The following HS6ST2 variants were observed in gnomAD, a reference collection of about 807,000 sequenced individuals.
HS6ST2 encodes the protein heparan sulfate 6-O-sulfotransferase 2, also known as heparan-sulfate 6-O-sulfotransferase 2.
A neutral mutation model predicts 33.0 loss-of-function variants in HS6ST2; 17 were observed. The observed-to-expected ratio is 0.52, with a 90% CI of 0.35 to 0.77. HS6ST2 has a LOEUF of 0.77. Ranked by LOEUF, HS6ST2 falls within the 30% of genes least tolerant of loss-of-function variation. The pLI is 0.01. For synonymous variants in HS6ST2, 248 were observed against 237.1 expected, an observed-to-expected ratio of 1.05 and a Z score of -0.42; for missense variants, 519 against 551.7, an observed-to-expected ratio of 0.94 and a Z score of 0.59.
rs1205421363 is a variant in HS6ST2, at chrX:132,887,518, G to A, written c.947+69290C>T. Among the ~76,000 whole-genome samples, 24 of 112,227 alleles carry A rather than the reference G, an allele frequency of 2.1e-4. No individual in the cohort carries two copies. The Admixed American group carries it at 2.3e-3, about 11-fold the overall frequency. ...GACACTAACAAGTATTGTTGAGAATGTGGTGAAACTGGAATCTCATATATT... is the reference window on the plus strand; with the variant it reads ...GACACTAACAAGTATTGTTGAGAATATGGTGAAACTGGAATCTCATATATT... On this transcript the variant is annotated intron_variant, in intron 2 of 4. Transcript: ENST00000370833.
intron 2 of HS6ST2, among the ~76,000 whole-genome samples, chrX:132,929,369 C>T (rs1277684553): frequency 3.6e-5 from 4 of 110,392 alleles, no homozygotes; most frequent in Non-Finnish European, 7.5e-5. Flanking sequence ...GTGAGCCTAC[C>T]GTCCTACCTA....
intron 2 of HS6ST2, among the ~76,000 whole-genome samples, chrX:132,795,780 T>C (rs2065171791): frequency 9.0e-6 from 1 of 110,863 alleles, no homozygotes; most frequent in Admixed American, 9.7e-5. Context: ...CTAACTTTTG[T>C]AATTTTTTGG....
chrX:132,854,124 C>T (rs1438011261), intron 2 of HS6ST2, among the ~76,000 whole-genome samples: 1 of 111,920 alleles, frequency 8.9e-6, no homozygotes, highest in Non-Finnish European at 1.9e-5. Context: ...ATCTTAACAG[C>T]GTTTTGGAAT....
At chrX:132,926,938 C>T (rs2066716202) in intron 2 of HS6ST2, among the ~76,000 whole-genome samples, 1 of 110,306 alleles carries the variant, frequency 9.1e-6, no homozygotes, top group Non-Finnish European at 1.9e-5. Flanking sequence ...CAAAACAAAA[C>T]GAACAAACAA....
chrX:132,841,416 C>T (rs1192330750), intron 2 of HS6ST2, among the ~76,000 whole-genome samples: 1 of 111,554 alleles, frequency 9.0e-6, no homozygotes, highest in Non-Finnish European at 1.9e-5. Flanking sequence ...AACTGGGCAA[C>T]AGAAGTACCG....
At chrX:132,839,139 A>G (rs1245618416) in intron 2 of HS6ST2, among the ~76,000 whole-genome samples, 4 of 106,083 alleles carry the variant, frequency 3.8e-5, no homozygotes, top group African/African-American at 1.4e-4. Context: ...TGATTTACCC[A>G]AAGGAAAAGA....
intron 2 of HS6ST2, among the ~76,000 whole-genome samples, chrX:132,727,007 C>G (rs2064398637): frequency 9.0e-6 from 1 of 110,902 alleles, no homozygotes; most frequent in Non-Finnish European, 1.9e-5. Flanking sequence ...TACATCCTGT[C>G]CAATTTTTAT....
chrX:132,794,700 C>G (rs1355875928), intron 2 of HS6ST2, among the ~76,000 whole-genome samples: 1 of 111,195 alleles, frequency 9.0e-6, no homozygotes, highest in Non-Finnish European at 1.9e-5. Context: ...TCTGGGATTA[C>G]AGGCGTAAGC....
intron 3 of HS6ST2, among the ~76,000 whole-genome samples, chrX:132,684,795 CT>C (rs999974946): frequency 8.9e-6 from 1 of 111,834 alleles, no homozygotes; most frequent in Admixed American, 9.5e-5. Flanking sequence ...CCTTGGGTTT[CT>C]TTCTAGTTCT....
chrX:132,956,248 G>A (rs1033650291), intron 2 of HS6ST2, among the ~76,000 whole-genome samples: 2 of 109,927 alleles, frequency 1.8e-5, no homozygotes, highest in African/African-American at 6.6e-5. Flanking sequence ...AAGCGAGAGA[G>A]GGGAATGGAA....
At chrX:132,903,368 C>A (rs749396213) in intron 2 of HS6ST2, among the ~76,000 whole-genome samples, 13 of 111,759 alleles carry the variant, frequency 1.2e-4, no homozygotes, top group Non-Finnish European at 1.9e-4. Flanking sequence ...TGACAATACT[C>A]CCCTAATTGA....
At chrX:132,773,005 G>T (rs1172532387) in intron 2 of HS6ST2, among the ~76,000 whole-genome samples, 1 of 84,709 alleles carries the variant, frequency 1.2e-5, no homozygotes, top group Non-Finnish European at 2.2e-5. Flanking sequence ...ATATATTTAT[G>T]TAAAGATATA....
chrX:132,797,136 G>T (rs191935231), intron 2 of HS6ST2, among the ~76,000 whole-genome samples: 1 of 111,339 alleles, frequency 9.0e-6, no homozygotes, highest in African/African-American at 3.3e-5. Flanking sequence ...AGGAATAAAA[G>T]TAACTCCAAT....
chrX:132,894,172 GT>G (rs1373003985), intron 2 of HS6ST2, among the ~76,000 whole-genome samples: 1 of 102,313 alleles, frequency 9.8e-6, no homozygotes, highest in African/African-American at 3.6e-5. Flanking sequence ...ACGAAGTTTT[GT>G]TCTTGTTGCC....
At chrX:132,895,107 C>G (rs186953881) in intron 2 of HS6ST2, among the ~76,000 whole-genome samples, 1 of 112,034 alleles carries the variant, frequency 8.9e-6, no homozygotes, top group Admixed American at 9.5e-5. Flanking sequence ...TTTCCCTATT[C>G]AAATAAACGA....
chrX:132,821,080 C>T (rs2065449871), intron 2 of HS6ST2, among the ~76,000 whole-genome samples: 1 of 110,950 alleles, frequency 9.0e-6, no homozygotes, highest in Admixed American at 9.6e-5. Context: ...CCATAAAACC[C>T]TCATTAACAA....
intron 2 of HS6ST2, among the ~76,000 whole-genome samples, chrX:132,896,379 G>T (rs1291640662): frequency 9.2e-6 from 1 of 109,023 alleles, no homozygotes; most frequent in Non-Finnish European, 1.9e-5. Context: ...GCTGAGGTGG[G>T]AGAATGTCAT....
chrX:132,825,463 G>A (rs2065508464), intron 2 of HS6ST2, among the ~76,000 whole-genome samples: 2 of 111,219 alleles, frequency 1.8e-5, no homozygotes, highest in South Asian at 7.8e-4. Context: ...GGGCTGGGGG[G>A]CGTCCCATTA....
intron 2 of HS6ST2, among the ~76,000 whole-genome samples, chrX:132,905,041 G>A (rs1024797202): frequency 8.1e-5 from 9 of 111,377 alleles, no homozygotes; most frequent in African/African-American, 2.9e-4. Flanking sequence ...TTCTCTTTTT[G>A]TATAGTACTT....
Sources: allele counts gnomAD v4.1 joint callset (sites outside exome capture counted in the v4.1 genomes callset), GRCh38; gene constraint gnomAD v4.1.1; transcripts MANE v1.5; gene names NCBI Gene and HGNC (gene_info 2026-07-23, HGNC 2026-07-21).